The following C2CD5 variants were observed in gnomAD, a reference collection of about 807,000 sequenced individuals.
The protein encoded by C2CD5 is C2 domain-containing protein 5.
In C2CD5, 109 loss-of-function variants were observed where a neutral mutation model predicts 130.3. That is an observed-to-expected ratio of 0.84 (90% confidence interval 0.72 to 0.98). C2CD5 has a LOEUF of 0.98. Among genes scored for constraint, C2CD5 ranks in the 50% least tolerant of loss-of-function variants. The pLI is 0.00. For synonymous variants in C2CD5, 454 were observed against 429.2 expected, an observed-to-expected ratio of 1.06 and a Z score of -0.71; for missense variants, 996 against 1,261.8, an observed-to-expected ratio of 0.79 and a Z score of 3.19.
chr12:22,490,339 T>C (rs989887264), intron 11 of C2CD5, 121 bp from the exon 12 acceptor site: 2 of 563,864 alleles, frequency 3.5e-6, no homozygotes, highest in Non-Finnish European at 6.1e-6. Flanking sequence ...CTACTCAATA[T>C]TAAATAATAT....
At chr12:22,534,291 TA>T (rs1951615132) in intron 3 of C2CD5, among the ~76,000 whole-genome samples, 1 of 152,014 alleles carries the variant, frequency 6.6e-6, no homozygotes, top group Non-Finnish European at 1.5e-5. Context: ...ATAAAACTCT[TA>T]CAAAAAAACA....
chr12:22,463,480 A>G (rs1486664771), intron 22 of C2CD5: 1 of 151,714 alleles, frequency 6.6e-6, no homozygotes, highest in East Asian at 1.9e-4. Context: ...AAAAAGGGAG[A>G]TTTGATCTCC....
chr12:22,515,054 G>A (rs941911428), intron 8 of C2CD5: 14 of 985,014 alleles, frequency 1.4e-5, no homozygotes, highest in South Asian at 1.4e-4. Flanking sequence ...GCTAGATTCC[G>A]AGAGGAGGAG....
intron 8 of C2CD5, among the ~76,000 whole-genome samples, chr12:22,514,042 T>C (rs1949469488): frequency 6.6e-6 from 1 of 152,164 alleles, no homozygotes; most frequent in African/African-American, 2.4e-5. Flanking sequence ...AATGAAAGAA[T>C]TATCTTTCCC....
intron 22 of C2CD5, among the ~76,000 whole-genome samples, chr12:22,462,358 ATTATAAT>A (rs1438375398): frequency 6.6e-6 from 1 of 152,160 alleles, no homozygotes; most frequent in East Asian, 1.9e-4. Context: ...GTCTGCTTCT[ATTATAAT>A]TTGGTTTCCC....
In C2CD5 at chr12:22,475,465, G is replaced by A. The variant is rs183173850; in HGVS notation, c.1903-574C>T. 2.6e-5 allele frequency among the ~76,000 whole-genome samples: 4 copies of A among 152,146 alleles called. No individual in the cohort carries two copies. The East Asian group carries it at 7.7e-4, about 29-fold the overall frequency. ...AATGATCTTTTTAAGGTCAGTGTAT[G>A]GTGCAATACTGTATGGCTTAGTGAG... On this transcript the variant is annotated intron_variant, in intron 15 of 26. Transcript: ENST00000446597.
chr12:22,496,985 G>C (rs1051978697), intron 10 of C2CD5, among the ~76,000 whole-genome samples: 6 of 151,972 alleles, frequency 3.9e-5, no homozygotes, highest in African/African-American at 1.4e-4. Context: ...GGTGAAACTG[G>C]TAAAATTCTA....
intron 10 of C2CD5, among the ~76,000 whole-genome samples, chr12:22,495,009 C>T (rs1229511964): frequency 6.6e-6 from 1 of 152,020 alleles, no homozygotes; most frequent in Non-Finnish European, 1.5e-5. Flanking sequence ...AGTGGTTGCT[C>T]TAATCTATTA....
At chr12:22,481,278 C>T (rs982393781) in intron 14 of C2CD5, among the ~76,000 whole-genome samples, 2 of 152,100 alleles carry the variant, frequency 1.3e-5, no homozygotes, top group African/African-American at 4.8e-5. Context: ...GTGCATCTGA[C>T]CTACAAATGT....
At chr12:22,482,265 T>G (rs1944849850) in intron 14 of C2CD5, among the ~76,000 whole-genome samples, 1 of 152,156 alleles carries the variant, frequency 6.6e-6, no homozygotes, top group Non-Finnish European at 1.5e-5. Flanking sequence ...GGAACCCTGT[T>G]TTAGCAATAT....
chr12:22,451,827 A>G (rs1207420778), intron 26 of C2CD5, among the ~76,000 whole-genome samples: 1 of 152,164 alleles, frequency 6.6e-6, no homozygotes. Flanking sequence ...AAGACCTTGT[A>G]TGACATATTA....
intron 3 of C2CD5, among the ~76,000 whole-genome samples, chr12:22,532,330 C>CAA (rs200592425): frequency 0.14 from 18,495 of 131,254 alleles, 2,229 homozygotes; most frequent in African/African-American, 0.34. Context: ...AACTCCGTCT[C>CAA]AAAAAAAAAA....
intron 4 of C2CD5, among the ~76,000 whole-genome samples, chr12:22,527,331 T>TATATATATATA (rs577439968): frequency 2.5e-5 from 3 of 117,730 alleles, no homozygotes; most frequent in African/African-American, 1.0e-4. Context: ...TATATATATA[T>TATATATATATA]TTTTTTTTTT....
chr12:22,484,544 T>C (rs772009005), intron 13 of C2CD5, 153 bp downstream of exon 13: 7 of 422,258 alleles, frequency 1.7e-5, no homozygotes, highest in Non-Finnish European at 2.9e-5. Flanking sequence ...GTTTTTTTTT[T>C]ACATGCAATA....
At chr12:22,452,686 T>C (rs1339856954) in intron 26 of C2CD5, among the ~76,000 whole-genome samples, 1 of 152,182 alleles carries the variant, frequency 6.6e-6, no homozygotes, top group African/African-American at 2.4e-5. Flanking sequence ...GTTACAAAAA[T>C]GTATAAACTA....
intron 10 of C2CD5, among the ~76,000 whole-genome samples, chr12:22,505,161 T>A (rs944445536): frequency 2.0e-5 from 3 of 151,892 alleles, no homozygotes; most frequent in East Asian, 1.9e-4. Context: ...AAAAAAATTT[T>A]AAAAAATAGT....
chr12:22,468,378 G>C (rs1942455125), intron 22 of C2CD5, among the ~76,000 whole-genome samples: 1 of 151,962 alleles, frequency 6.6e-6, no homozygotes, highest in African/African-American at 2.4e-5. Flanking sequence ...ACCACCACAT[G>C]CAGCTCATTA....
chr12:22,471,995 A>C lies in C2CD5; in HGVS notation c.2240T>G (p.Phe747Cys), dbSNP rs964190869. 6.2e-7 allele frequency: 1 copy of C among 1,607,964 alleles called. No homozygotes were observed. The highest frequency in any genetic ancestry group is 1.3e-5 in the African/African-American group (1 of 74,840). Residue 747 changes from phenylalanine (F) to cysteine (C), a missense_variant, in exon 19 of 27, where the codon TTT becomes TGT. Phe to Cys is a radical substitution (Grantham distance 205). Coordinates refer to ENST00000446597, the MANE Select transcript of C2CD5 (RefSeq NM_001286176.2). ...GAGCAAATTTTCACAGAGATCATTA[A>C]AGTTCTTATTGAGAGCTTGATTAGT... is the stretch of plus-strand genomic sequence containing the variant. ...NLTNQALNKN[F>C]NDLCENLLKS... is the part of the protein sequence containing the mutation.
intron 25 of C2CD5, among the ~76,000 whole-genome samples, chr12:22,455,753 C>T (rs1282702517): frequency 2.6e-5 from 4 of 152,094 alleles, no homozygotes; most frequent in South Asian, 2.1e-4. Flanking sequence ...GGCGCAATCT[C>T]GGCTCACTGC....
Sources: allele counts gnomAD v4.1 joint callset (sites outside exome capture counted in the v4.1 genomes callset), GRCh38; gene constraint gnomAD v4.1.1; transcripts MANE v1.5; gene names NCBI Gene and HGNC (gene_info 2026-07-23, HGNC 2026-07-21).